Variants in EPG5 observed in about 807,000 individuals in gnomAD.
EPG5 encodes the protein ectopic P-granules 5 autophagy tethering factor.
EPG5 carries 159 observed loss-of-function variants against 302.7 expected under a neutral mutation model. The ratio of observed to expected loss-of-function variants is 0.53; its 90% confidence interval spans 0.46 to 0.60. The LOEUF (loss-of-function observed/expected upper bound fraction) is 0.60. Ranked by LOEUF, EPG5 falls within the 20% of genes least tolerant of loss-of-function variation. EPG5 has a pLI of 0.00. For missense variants in EPG5, 2,896 were observed against 3,092.4 expected, an observed-to-expected ratio of 0.94 and a Z score of 1.51; for synonymous variants, 1,158 against 1,136.8, an observed-to-expected ratio of 1.02 and a Z score of -0.37.
chr18:45,911,115 A>ATATG (rs1352103011), intron 22 of EPG5, among the ~76,000 whole-genome samples: 7 of 150,448 alleles, frequency 4.7e-5, no homozygotes, highest in Non-Finnish European at 7.4e-5. Context: ...ACACACATAT[A>ATATG]TATATATATA....
chr18:45,918,769 A>C (rs1270404667), intron 16 of EPG5, among the ~76,000 whole-genome samples: 5 of 152,192 alleles, frequency 3.3e-5, no homozygotes, highest in African/African-American at 1.2e-4. Flanking sequence ...AGGGAATAAG[A>C]CATAAAATTT....
intron 9 of EPG5, among the ~76,000 whole-genome samples, chr18:45,940,283 A>G (rs2050633893): frequency 6.6e-6 from 1 of 152,230 alleles, no homozygotes; most frequent in South Asian, 2.1e-4. Flanking sequence ...ATGAAATCAG[A>G]AAAGTGGCAG....
chr18:45,940,921 T>C (rs920187264), intron 9 of EPG5, among the ~76,000 whole-genome samples: 3 of 152,126 alleles, frequency 2.0e-5, no homozygotes, highest in Admixed American at 1.3e-4. Context: ...TGAGTTCATT[T>C]TGAGAACACT....
rs1012236734 is a variant in EPG5 at position 45,934,352 on chromosome 18, CTTAAG to C, written c.2257+452_2257+456del. ...GTTTAGAGGTGGTATGACGCAAAAA[CTTAAG>C]TTTTCACCAAAATTAATTTTTAAAG... On this transcript the variant is annotated intron_variant, in intron 11 of 43. Transcript: ENST00000282041. Among the ~76,000 whole-genome samples the C allele has an allele frequency of 2.0e-3, 299 of 152,156 alleles. 3 individuals carry two copies. Among genetic ancestry groups the C allele is most frequent in the Admixed American group, 3.8e-3 (58 of 15,274 alleles).
At chr18:45,951,378 C>T in intron 3 of EPG5, 140 bp from the exon 4 acceptor site, 1 of 491,360 alleles carries the variant, frequency 2.0e-6, no homozygotes, top group Non-Finnish European at 3.2e-6. Context: ...CATCAAAATA[C>T]TTAAATTTTT....
In EPG5 at chr18:45,911,078, T is replaced by TACACACACAC. The variant is rs34212851; in HGVS notation, c.3984-346_3984-337dup. 7.0e-3 allele frequency among the ~76,000 whole-genome samples: 947 copies of TACACACACAC among 135,316 alleles called. 20 individuals are homozygous for TACACACACAC. The highest frequency in any genetic ancestry group is 0.025 in the African/African-American group (894 of 35,914). The allele number at this position is 135,316 out of a possible 152,430, so 88.8% of individuals were successfully genotyped here. A position where few individuals can be genotyped will look rare whatever the true frequency, so the allele number is the denominator to read the frequency against. On this transcript the variant is annotated intron_variant, in intron 22 of 43. Transcript: ENST00000282041. ...ATCTATCTATCTATCTATCTATCTA[T>TACACACACAC]ACACACACACACACACACACACACA...
At position 45,849,753 on chromosome 18, in the gene EPG5, C is replaced by A. The variant is rs972934285; in HGVS notation, c.*2714G>T. ...GGGCAGAGGCATGCGATGTCTGAGC[C>A]AACAAAGGATGGTGAGACTGAGAAA... is the stretch of plus-strand genomic sequence containing the variant. On this transcript the variant is annotated 3_prime_UTR_variant, in exon 44 of 44. Transcript: ENST00000282041. The A allele has an allele frequency of 6.6e-6, 1 of 152,246 alleles. No individual in the cohort carries two copies. The highest frequency in any genetic ancestry group is 2.4e-5 in the African/African-American group (1 of 41,430). The allele number at this position is 152,246 out of a possible 1,614,324, so 9.4% of individuals were successfully genotyped here.
the EPG5 span, among the ~76,000 whole-genome samples, chr18:45,823,071 G>A: frequency 6.6e-6 from 1 of 152,178 alleles, no homozygotes; most frequent in African/African-American, 2.4e-5. Context: ...CAGGTAGGCA[G>A]CCAAATGAGA....
chr18:45,840,473 C>T, the EPG5 span, among the ~76,000 whole-genome samples: 1 of 152,216 alleles, frequency 6.6e-6, no homozygotes, highest in African/African-American at 2.4e-5. Flanking sequence ...CGACTCCAGG[C>T]TGTGTTTCTT....
intron 31 of EPG5, among the ~76,000 whole-genome samples, chr18:45,880,655 G>A (rs547349385): frequency 7.3e-4 from 111 of 152,172 alleles, no homozygotes; most frequent in African/African-American, 2.5e-3. Flanking sequence ...GTCTCCTACC[G>A]GCCCCCCAAT....
the EPG5 span, among the ~76,000 whole-genome samples, chr18:45,832,922 C>A: frequency 6.6e-6 from 1 of 152,130 alleles, no homozygotes; most frequent in Non-Finnish European, 1.5e-5. Flanking sequence ...AAGCGGGAGT[C>A]CAAGTGCCCG....
rs369253167 is a variant in EPG5 at position 45,943,252 on chromosome 18, T to G, written c.1852A>C (p.Asn618His). The change falls in exon 9 of 44, where the codon AAC becomes CAC. Residue 618 changes from asparagine to histidine, a missense_variant. Physicochemically the swap from Asn to His is moderately conservative, Grantham distance 68. Around this residue, in one of 5 missense-constraint regions of EPG5, gnomAD observed 1,390 missense variants for 1,430.0 expected, o/e 0.97. Transcript: ENST00000282041. ...QEMMKIFAFA[N>H]SLVELLAVGL... The stretch of plus-strand genomic sequence containing the variant: ...ACAGCCAGAAGTTCCACTAGTGAGT[T>G]GGCAAAGGCAAAAATTTTCATCATC... The G allele has an allele frequency of 4.3e-6, 7 of 1,614,032 alleles. No individual in the cohort carries two copies. In the African/African-American group the frequency reaches 6.7e-5, roughly 15 times the overall value.
At chr18:45,833,123 G>A in the EPG5 span, among the ~76,000 whole-genome samples, 1 of 152,094 alleles carries the variant, frequency 6.6e-6, no homozygotes, top group South Asian at 2.1e-4. Context: ...ATTGGCTCTT[G>A]TCCTTGGGCA....
the EPG5 span, among the ~76,000 whole-genome samples, chr18:45,806,303 G>C: frequency 6.6e-6 from 1 of 152,152 alleles, no homozygotes; most frequent in Non-Finnish European, 1.5e-5. Context: ...AATGAAAACA[G>C]TGTAAAAGAA....
chr18:45,916,573 C>G lies in EPG5; in HGVS notation c.3249G>C (p.Ser1083=). 1.9e-6 allele frequency: 3 copies of G among 1,596,434 alleles called. No homozygotes were observed. Among genetic ancestry groups the G allele is most frequent in the Non-Finnish European group, 2.6e-6 (3 of 1,165,496 alleles). ...CCAAGTGTAGGAACAAGAGGAGATGCGATAAAAACCTGCCAAGCACACAGG... is the reference window on the plus strand; with the variant it reads ...CCAAGTGTAGGAACAAGAGGAGATGGGATAAAAACCTGCCAAGCACACAGG... ...YYLLKNEQFL[S]HLLLFLHLDS... The change falls in exon 18 of 44, where the codon TCG becomes TCC. Residue 1083 remains serine (S), a synonymous_variant. Transcript: ENST00000282041.
At chr18:45,826,707 C>T in the EPG5 span, among the ~76,000 whole-genome samples, 1 of 152,170 alleles carries the variant, frequency 6.6e-6, no homozygotes, top group Admixed American at 6.5e-5. Context: ...TCAACATTCC[C>T]TGTATGGGGT....
At chr18:45,934,675 T>C in intron 11 of EPG5, 134 bp downstream of exon 11, 1 of 1,017,982 alleles carries the variant, frequency 9.8e-7, no homozygotes, top group South Asian at 2.0e-5. Flanking sequence ...GTCTCCTGAA[T>C]TTCAAAATCA....
chr18:45,923,024 T>G (rs1419750994), intron 15 of EPG5, among the ~76,000 whole-genome samples: 1 of 152,234 alleles, frequency 6.6e-6, no homozygotes, highest in African/African-American at 2.4e-5. Flanking sequence ...CCAGAGCCAG[T>G]ACAACCAAGC....
chr18:45,853,206 C>T (rs762582456), intron 43 of EPG5, among the ~76,000 whole-genome samples: 1 of 152,306 alleles, frequency 6.6e-6, no homozygotes, highest in Non-Finnish European at 1.5e-5. Context: ...GAACCAGTTG[C>T]TAAGTGCTGC....
Sources: gnomAD v4.1 joint callset for allele counts (sites outside exome capture counted in the v4.1 genomes callset) on GRCh38, gnomAD v4.1.1 for gene constraint, gnomAD v4.1.1 regional missense constraint, MANE v1.5 for transcripts, NCBI Gene and HGNC (gene_info 2026-07-23, HGNC 2026-07-21) for gene names.